Variants in CCDC88C observed in about 807,000 individuals in gnomAD.
The protein encoded by CCDC88C is coiled-coil and HOOK domain protein 88C.
In CCDC88C, 131 loss-of-function variants were observed where a neutral mutation model predicts 198.8. The observed-to-expected ratio is 0.66, with a 90% CI of 0.57 to 0.76. The LOEUF (loss-of-function observed/expected upper bound fraction) is 0.76. Among genes scored for constraint, CCDC88C ranks in the 30% least tolerant of loss-of-function variants. CCDC88C has a pLI of 0.00. For synonymous variants in CCDC88C, 1,166 were observed against 1,114.7 expected, an observed-to-expected ratio of 1.05 and a Z score of -0.92; for missense variants, 2,553 against 2,631.6, an observed-to-expected ratio of 0.97 and a Z score of 0.65.
In CCDC88C at chr14:91,303,932, T is replaced by C. The variant is rs1407640264; in HGVS notation, c.3404A>G (p.Gln1135Arg). 2.5e-6 allele frequency: 4 copies of C among 1,611,194 alleles called. No individual in the cohort carries two copies. Among genetic ancestry groups the C allele is most frequent in the South Asian group, 1.1e-5 (1 of 91,086 alleles). The change falls in exon 20 of 30, where the codon CAG becomes CGG. Residue 1135 changes from glutamine to arginine, a missense_variant. Gln to Arg is a conservative substitution (Grantham distance 43). Around this residue, in one of 2 missense-constraint regions of CCDC88C, gnomAD observed 1,293 missense variants for 1,219.6 expected, o/e 1.06. Coordinates refer to ENST00000389857, the MANE Select transcript of CCDC88C (RefSeq NM_001080414.4). ...LSSQSAALTA[Q>R]YTLLQNHHTA... ...GTGGTGGTTCTGCAGCAGCGTGTAC[T>C]GCGCGGTGAGCGCTGCGCTCTGGGA...
intron 22 of CCDC88C, among the ~76,000 whole-genome samples, chr14:91,296,801 T>C (rs978342738): frequency 3.9e-5 from 6 of 152,184 alleles, no homozygotes; most frequent in Admixed American, 2.6e-4. Context: ...CAGCCTTCCA[T>C]GTGCTGAGGT....
rs144101106 is a variant in CCDC88C, at chr14:91,352,786, G to C, written c.340+6856C>G. On this transcript the variant is annotated intron_variant, in intron 4 of 29. Coordinates refer to ENST00000389857, the MANE Select transcript of CCDC88C (RefSeq NM_001080414.4). This position sits in a 1 kb window ranked among gnomAD's most constrained non-coding sequence, Gnocchi z 4.2. Reference sequence around the variant, plus strand: ...CCGACCCTCAGCCTCCACACCACACGGTGAGCAGGCATGGAGCCAGGGGCA... The same window carrying C: ...CCGACCCTCAGCCTCCACACCACACCGTGAGCAGGCATGGAGCCAGGGGCA... Among the ~76,000 whole-genome samples the C allele has an allele frequency of 7.9e-5, 12 of 152,140 alleles. No individual in the cohort carries two copies. Among genetic ancestry groups the C allele is most frequent in the Non-Finnish European group, 1.8e-4 (12 of 67,994 alleles).
At position 91,271,535 on chromosome 14, in the gene CCDC88C, A is replaced by C. The variant is rs1889734703; in HGVS notation, c.*1090T>G. On this transcript the variant is annotated 3_prime_UTR_variant, in exon 30 of 30. Coordinates refer to ENST00000389857, the MANE Select transcript of CCDC88C (RefSeq NM_001080414.4). ...ACCCCAGGAAAAGCACCTTTACAAC[A>C]GGAAACTAAATTGTCAGGAATCTGA... is the stretch of plus-strand genomic sequence containing the variant. The C allele has an allele frequency of 6.6e-6, 1 of 152,196 alleles. No individual in the cohort carries two copies. Among genetic ancestry groups the C allele is most frequent in the Non-Finnish European group, 1.5e-5 (1 of 68,038 alleles). 9.4% of individuals were successfully genotyped at this position (152,196 alleles called of 1,614,324 possible).
At chr14:91,405,392 G>GT (rs1489672866) in intron 3 of CCDC88C, among the ~76,000 whole-genome samples, 1 of 152,226 alleles carries the variant, frequency 6.6e-6, no homozygotes, top group Non-Finnish European at 1.5e-5. Context: ...CCCAGTCAGA[G>GT]TAAGGAACAA....
chr14:91,278,808 C>T (rs180742280), intron 28 of CCDC88C, among the ~76,000 whole-genome samples: 24 of 150,666 alleles, frequency 1.6e-4, no homozygotes, highest in Admixed American at 4.6e-4. Flanking sequence ...CCTCTGAATG[C>T]GTCAGAATGC....
At chr14:91,314,947 G>A (rs1214878123) in intron 14 of CCDC88C, among the ~76,000 whole-genome samples, 1 of 152,092 alleles carries the variant, frequency 6.6e-6, no homozygotes, top group African/African-American at 2.4e-5. Flanking sequence ...GACCGGCCTG[G>A]GCAACACTGT....
At chr14:91,290,493 A>C (rs1027136637) in intron 24 of CCDC88C, among the ~76,000 whole-genome samples, 1 of 152,180 alleles carries the variant, frequency 6.6e-6, no homozygotes, top group Non-Finnish European at 1.5e-5. Flanking sequence ...CCACTTGGGG[A>C]GAGCTGCTGC....
intron 3 of CCDC88C, among the ~76,000 whole-genome samples, chr14:91,383,897 T>C (rs1321887449): frequency 2.0e-5 from 3 of 152,218 alleles, no homozygotes; most frequent in Non-Finnish European, 4.4e-5. Flanking sequence ...TTTCCAGTAA[T>C]GGGTGATGCT....
chr14:91,297,433 T>TGGTGTGGGCGTGCAGCTCCTC lies in CCDC88C; in HGVS notation c.3817_3837dup (p.Glu1273_Thr1279dup). 2 of 1,601,796 alleles carry TGGTGTGGGCGTGCAGCTCCTC rather than the reference T, an allele frequency of 1.2e-6. No individual in the cohort carries two copies. Among genetic ancestry groups the TGGTGTGGGCGTGCAGCTCCTC allele is most frequent in the Non-Finnish European group, 1.7e-6 (2 of 1,174,090 alleles). On this transcript the variant is annotated inframe_insertion, in exon 22 of 30. Transcript: ENST00000389857. ...TTGTTCAGTGAGGTTTTCAGCTCCT[T>TGGTGTGGGCGTGCAGCTCCTC]GGTGTGGGCGTGCAGCTCCTCGTAC...
chr14:91,290,608 G>C (rs1890619408), intron 24 of CCDC88C, among the ~76,000 whole-genome samples: 1 of 152,224 alleles, frequency 6.6e-6, no homozygotes, highest in Non-Finnish European at 1.5e-5. Flanking sequence ...CATGGGGGCT[G>C]GGCCAAGTGT....
Position 91,313,105 on chromosome 14 carries a change from G to C in CCDC88C, c.2711C>G (p.Ala904Gly). ...CTCCCTCAGAGTTGTCAGTGTCCTT[G>C]CATGCACGGTGACTTGCTTGGTGAG... ...RDLTKQVTVH[A>G]RTLTTLREDL... Residue 904 changes from alanine to glycine, a missense_variant, in exon 15 of 30, where the codon GCA (alanine) becomes GGA (glycine). Ala to Gly is a moderately conservative substitution (Grantham distance 60). This residue lies in a region of CCDC88C where 1,260 missense variants were observed against 1,412.0 expected (regional missense o/e 0.89). Transcript: ENST00000389857. This position sits in a 1 kb window ranked among gnomAD's most constrained non-coding sequence, Gnocchi z 5.2. 6.3e-7 allele frequency: 1 copy of C among 1,597,504 alleles called. No individual in the cohort carries two copies. Among genetic ancestry groups the C allele is most frequent in the Non-Finnish European group, 8.6e-7 (1 of 1,169,534 alleles).
intron 3 of CCDC88C, among the ~76,000 whole-genome samples, chr14:91,406,872 C>T (rs1886514696): frequency 1.3e-5 from 2 of 152,246 alleles, no homozygotes; most frequent in South Asian, 4.1e-4. Context: ...TTCAAATCCC[C>T]AGAGCCAACT....
At chr14:91,341,349 G>C (rs1048999236) in intron 6 of CCDC88C, among the ~76,000 whole-genome samples, 2 of 152,142 alleles carry the variant, frequency 1.3e-5, no homozygotes, top group Non-Finnish European at 2.9e-5. Flanking sequence ...AGCTTTTATT[G>C]AAATGCTTAT....
intron 3 of CCDC88C, among the ~76,000 whole-genome samples, chr14:91,399,904 C>T (rs1886073406): frequency 6.6e-6 from 1 of 151,652 alleles, no homozygotes; most frequent in African/African-American, 2.4e-5. Context: ...TAAGCACAGC[C>T]TGGAGCCTCA....
At chr14:91,369,685 G>T (rs1894696924) in intron 3 of CCDC88C, among the ~76,000 whole-genome samples, 1 of 152,162 alleles carries the variant, frequency 6.6e-6, no homozygotes, top group South Asian at 2.1e-4. Flanking sequence ...TCTCCACCCA[G>T]TCCCTCTTCG....
chr14:91,348,320 A>AT (rs200892701), intron 4 of CCDC88C, among the ~76,000 whole-genome samples: 133 of 39,374 alleles, frequency 3.4e-3, no homozygotes, highest in Admixed American at 0.011. Context: ...CCCTATCTCT[A>AT]TTAAAAAAAA....
At chr14:91,386,289 C>CAAAAAAA (rs1239070390) in intron 3 of CCDC88C, among the ~76,000 whole-genome samples, 3 of 106,898 alleles carry the variant, frequency 2.8e-5, no homozygotes, top group African/African-American at 4.0e-5. Flanking sequence ...ACTAAAAATA[C>CAAAAAAA]AAAAAAAAAA....
chr14:91,310,749 G>A (rs368791375), intron 15 of CCDC88C, among the ~76,000 whole-genome samples: 3 of 152,118 alleles, frequency 2.0e-5, no homozygotes, highest in Non-Finnish European at 2.9e-5. Flanking sequence ...AATGCATGTC[G>A]GTGGTTCACT....
chr14:91,415,167 A>G (rs1228965300), intron 2 of CCDC88C, among the ~76,000 whole-genome samples: 1 of 152,196 alleles, frequency 6.6e-6, no homozygotes, highest in Non-Finnish European at 1.5e-5. Flanking sequence ...AATGGAATCC[A>G]GTAATTTTCA....
Sources: allele counts gnomAD v4.1 joint callset (sites outside exome capture counted in the v4.1 genomes callset), GRCh38; gene constraint gnomAD v4.1.1; regional missense constraint gnomAD v4.1.1; non-coding constraint Gnocchi (gnomAD v3.1); transcripts MANE v1.5; gene names NCBI Gene and HGNC (gene_info 2026-07-23, HGNC 2026-07-21).